HSD17B12: variants seen among roughly 807,000 people sequenced by gnomAD.
The protein encoded by HSD17B12 is hydroxysteroid 17-beta dehydrogenase 12, also known as very-long-chain 3-oxoacyl-CoA reductase.
Under a neutral mutation model 39.3 loss-of-function variants are expected in HSD17B12, and 32 were observed. That is an observed-to-expected ratio of 0.81 (90% CI 0.61 to 1.09). The LOEUF (loss-of-function observed/expected upper bound fraction) is 1.09, where lower values mean the gene tolerates loss of function less well. HSD17B12 is among the 50% of genes least tolerant of loss of function. HSD17B12 has a pLI of 0.00. For missense variants in HSD17B12, 342 were observed against 382.9 expected (o/e 0.89, Z 0.89); for synonymous variants, 150 against 146.7 (o/e 1.02, Z -0.16).
upstream of HSD17B12, among the ~76,000 whole-genome samples, chr11:43,675,840 G>T (rs974511035): frequency 6.6e-6 from 1 of 152,216 alleles, no homozygotes; most frequent in Non-Finnish European, 1.5e-5. Flanking sequence ...GGCCTGGCAT[G>T]TTGGCTCATG....
At chr11:43,683,061 G>A (rs1949765208) in intron 1 of HSD17B12, among the ~76,000 whole-genome samples, 5 of 151,202 alleles carry the variant, frequency 3.3e-5, no homozygotes, top group Admixed American at 3.3e-4. Context: ...CAAAGTGCTG[G>A]GATTACATGT....
intron 9 of HSD17B12, among the ~76,000 whole-genome samples, chr11:43,850,992 T>G (rs1397003775): frequency 1.3e-5 from 2 of 151,874 alleles, no homozygotes; most frequent in Non-Finnish European, 2.9e-5. Flanking sequence ...ACCAGGGAGG[T>G]GGAGGTTGCA....
chr11:43,760,846 G>GCC (rs1450976000), intron 3 of HSD17B12, among the ~76,000 whole-genome samples: 1 of 152,104 alleles, frequency 6.6e-6, no homozygotes, highest in Non-Finnish European at 1.5e-5. Context: ...ATCTCATATA[G>GCC]CCCCATGAGT....
At chr11:43,606,698 A>G in the HSD17B12 span, among the ~76,000 whole-genome samples, 75 of 152,336 alleles carry the variant, frequency 4.9e-4, 1 homozygote, top group Non-Finnish European at 9.7e-4. Context: ...GAGTCCCTGG[A>G]GAAGTTTCCC....
At chr11:43,799,399 C>G (rs1490904336) in intron 4 of HSD17B12, among the ~76,000 whole-genome samples, 1 of 152,036 alleles carries the variant, frequency 6.6e-6, no homozygotes, top group Non-Finnish European at 1.5e-5. Flanking sequence ...TCTTATACCC[C>G]TTTTGTTACA....
At chr11:43,682,559 A>C (rs1340154678) in intron 1 of HSD17B12, among the ~76,000 whole-genome samples, 1 of 151,728 alleles carries the variant, frequency 6.6e-6, no homozygotes. Context: ...AAAAAAAAAA[A>C]AAAAAAACAG....
the HSD17B12 span, among the ~76,000 whole-genome samples, chr11:43,641,680 G>A: frequency 4.0e-5 from 6 of 151,884 alleles, no homozygotes; most frequent in Non-Finnish European, 7.4e-5. Context: ...ATTGTGTTAC[G>A]TTGATAACAT....
intron 3 of HSD17B12, among the ~76,000 whole-genome samples, chr11:43,765,958 C>T (rs568118621): frequency 8.4e-4 from 128 of 151,944 alleles, no homozygotes; most frequent in Middle Eastern, 3.4e-3. Context: ...CTCAGCCTCC[C>T]GCCACTACAG....
intron 1 of HSD17B12, among the ~76,000 whole-genome samples, chr11:43,733,239 C>T (rs1204676024): frequency 2.0e-5 from 3 of 152,132 alleles, no homozygotes; most frequent in African/African-American, 7.2e-5. Context: ...TGTATTGTAT[C>T]GTTGGGTTTA....
At chr11:43,639,616 C>A in the HSD17B12 span, among the ~76,000 whole-genome samples, 6 of 151,998 alleles carry the variant, frequency 3.9e-5, no homozygotes, top group East Asian at 7.7e-4. Context: ...ATAGAAGGAA[C>A]CTCTGCTTAG....
chr11:43,658,042 G>A, the HSD17B12 span, among the ~76,000 whole-genome samples: 5 of 152,278 alleles, frequency 3.3e-5, no homozygotes, highest in South Asian at 2.1e-4. Flanking sequence ...CCAATTAGAC[G>A]TAGATTTGGT....
intron 4 of HSD17B12, among the ~76,000 whole-genome samples, chr11:43,813,594 A>G (rs373167982): frequency 6.6e-6 from 1 of 152,282 alleles, no homozygotes; most frequent in African/African-American, 2.4e-5. Context: ...TCTTTTAGTC[A>G]TATTCTAAAT....
chr11:43,620,496 CAT>C, the HSD17B12 span, among the ~76,000 whole-genome samples: 1 of 152,138 alleles, frequency 6.6e-6, no homozygotes, highest in African/African-American at 2.4e-5. Flanking sequence ...GCTCCAAAGT[CAT>C]ATACATGTAT....
intron 1 of HSD17B12, among the ~76,000 whole-genome samples, chr11:43,743,983 A>C (rs1290333160): frequency 6.6e-6 from 1 of 152,208 alleles, no homozygotes; most frequent in East Asian, 1.9e-4. Flanking sequence ...GGAGAGTGAG[A>C]GTGTGCAAAA....
At chr11:43,743,629 C>T (rs888747419) in intron 1 of HSD17B12, among the ~76,000 whole-genome samples, 1 of 152,070 alleles carries the variant, frequency 6.6e-6, no homozygotes, top group African/African-American at 2.4e-5. Context: ...TAATAACTGC[C>T]CAGCAGCCAG....
chr11:43,659,699 C>T, the HSD17B12 span, among the ~76,000 whole-genome samples: 47,829 of 151,960 alleles, frequency 0.31, 7,743 homozygotes, highest in African/African-American at 0.36. Context: ...AAAATATTTG[C>T]AAGACATCTG....
chr11:43,664,350 A>G, the HSD17B12 span, among the ~76,000 whole-genome samples: 2 of 152,174 alleles, frequency 1.3e-5, no homozygotes, highest in Non-Finnish European at 2.9e-5. Flanking sequence ...GGGTCAGCAG[A>G]AAAGAATATT....
At chr11:43,820,967 CA>C (rs1951177091) in intron 6 of HSD17B12, among the ~76,000 whole-genome samples, 1 of 152,096 alleles carries the variant, frequency 6.6e-6, no homozygotes, top group Non-Finnish European at 1.5e-5. Context: ...TTCCGTGTTT[CA>C]ATAGAGGAAT....
At chr11:43,603,762 C>T in the HSD17B12 span, among the ~76,000 whole-genome samples, 1 of 152,150 alleles carries the variant, frequency 6.6e-6, no homozygotes, top group South Asian at 2.1e-4. Context: ...CCCAATTATG[C>T]TATATTAAGT....
Sources: gnomAD v4.1 joint callset for allele counts (sites outside exome capture counted in the v4.1 genomes callset) on GRCh38, gnomAD v4.1.1 for gene constraint, MANE v1.5 for transcripts, NCBI Gene and HGNC (gene_info 2026-07-23, HGNC 2026-07-21) for gene names.